The following PRKD1 variants were observed in gnomAD, a reference collection of about 807,000 sequenced individuals.
The protein encoded by PRKD1 is protein kinase D1.
In PRKD1, 63 loss-of-function variants were observed where a neutral mutation model predicts 95.9. The observed-to-expected ratio is 0.66, with a 90% CI of 0.54 to 0.81. The LOEUF is 0.81. PRKD1 is among the 30% of genes least tolerant of loss of function. The pLI, the probability that PRKD1 is intolerant of heterozygous loss-of-function variation, is 0.00. For missense variants in PRKD1, 1,048 were observed against 1,165.3 expected (o/e 0.90, Z 1.47); for synonymous variants, 425 against 423.1 (o/e 1.00, Z -0.05).
At chr14:29,817,267 CTT>C (rs1199081438) in intron 1 of PRKD1, among the ~76,000 whole-genome samples, 1 of 152,128 alleles carries the variant, frequency 6.6e-6, no homozygotes, top group African/African-American at 2.4e-5. Context: ...TATATGTAAC[CTT>C]TTAATAATGC....
At chr14:29,858,723 T>C (rs186084111) in intron 1 of PRKD1, among the ~76,000 whole-genome samples, 2 of 152,334 alleles carry the variant, frequency 1.3e-5, no homozygotes, top group African/African-American at 4.8e-5. Context: ...CTGCTCTTTT[T>C]TAAGTACCTT....
intron 1 of PRKD1, among the ~76,000 whole-genome samples, chr14:29,861,405 T>A (rs1240779409): frequency 6.6e-6 from 1 of 152,146 alleles, no homozygotes; most frequent in Non-Finnish European, 1.5e-5. Context: ...GTATTTATAA[T>A]TTTTTTATAT....
rs565916845 is a variant in PRKD1 at position 29,788,599 on chromosome 14, ATTC to A, written c.265-62928_265-62926del. Among the ~76,000 whole-genome samples, 383 of 152,144 alleles carry A rather than the reference ATTC, an allele frequency of 2.5e-3. 2 individuals are homozygous for A. The highest frequency in any genetic ancestry group is 8.7e-3 in the African/African-American group (361 of 41,512). On this transcript the variant is annotated intron_variant, in intron 1 of 17. Coordinates refer to ENST00000331968, the MANE Select transcript of PRKD1 (RefSeq NM_002742.3). ...CCAATATATTATGTAGGCTTTCTTT[ATTC>A]TTCTTTTTTCTTTTCTTAATTGTGG...
chr14:29,625,188 G>A (rs1009550217), intron 12 of PRKD1, among the ~76,000 whole-genome samples: 18 of 151,978 alleles, frequency 1.2e-4, no homozygotes. Flanking sequence ...TTGTGTTCAT[G>A]TTCTCTACTT....
intron 1 of PRKD1, among the ~76,000 whole-genome samples, chr14:29,753,071 G>C (rs1887550385): frequency 6.6e-6 from 1 of 151,720 alleles, no homozygotes; most frequent in Non-Finnish European, 1.5e-5. Context: ...AGATAGAAAG[G>C]GGGAAAATGC....
intron 4 of PRKD1, among the ~76,000 whole-genome samples, chr14:29,647,789 T>A (rs533527271): frequency 6.6e-6 from 1 of 152,068 alleles, no homozygotes; most frequent in African/African-American, 2.4e-5. Flanking sequence ...CAAATAGGGG[T>A]GCAGGAGAGT....
At chr14:29,587,686 A>G (rs1892985671) in intron 16 of PRKD1, among the ~76,000 whole-genome samples, 1 of 152,210 alleles carries the variant, frequency 6.6e-6, no homozygotes, top group Non-Finnish European at 1.5e-5. Flanking sequence ...CTTTGCAGAT[A>G]CTACCTTATT....
chr14:29,818,694 T>C (rs1343866527), intron 1 of PRKD1, among the ~76,000 whole-genome samples: 1 of 151,922 alleles, frequency 6.6e-6, no homozygotes, highest in East Asian at 1.9e-4. Flanking sequence ...GGAAAGTCAC[T>C]AATAGTTATT....
chr14:29,885,052 G>A (rs1468262659), intron 1 of PRKD1, among the ~76,000 whole-genome samples: 1 of 151,574 alleles, frequency 6.6e-6, no homozygotes, highest in Non-Finnish European at 1.5e-5. Context: ...GAACCCGGGA[G>A]GCGGAGCTTG....
chr14:29,700,977 C>CGT (rs1884805085), intron 2 of PRKD1, among the ~76,000 whole-genome samples: 1 of 50,234 alleles, frequency 2.0e-5, no homozygotes, highest in Admixed American at 2.3e-4. Context: ...CGTGCGCATG[C>CGT]GCGCGCGCGC....
chr14:29,805,510 C>A (rs1039674740), intron 1 of PRKD1, among the ~76,000 whole-genome samples: 1 of 152,198 alleles, frequency 6.6e-6, no homozygotes, highest in Non-Finnish European at 1.5e-5. Context: ...TACAACTGAG[C>A]TAAATGAAAT....
intron 1 of PRKD1, among the ~76,000 whole-genome samples, chr14:29,894,696 A>G (rs921023769): frequency 2.0e-5 from 3 of 152,186 alleles, no homozygotes; most frequent in African/African-American, 7.2e-5. Context: ...TGAAAACACA[A>G]TGGACAAAAC....
chr14:29,605,497 G>A (rs1893673245), intron 13 of PRKD1, among the ~76,000 whole-genome samples: 1 of 152,138 alleles, frequency 6.6e-6, no homozygotes, highest in Non-Finnish European at 1.5e-5. Context: ...TTTATCGGGT[G>A]TGAATATTCA....
At chr14:29,913,906 CT>C (rs1221408923) in intron 1 of PRKD1, among the ~76,000 whole-genome samples, 7 of 152,136 alleles carry the variant, frequency 4.6e-5, no homozygotes, top group Non-Finnish European at 1.0e-4. Context: ...TGTCTGCTGC[CT>C]TTTCATTAGC....
At chr14:29,645,135 A>G (rs1455824130) in intron 4 of PRKD1, among the ~76,000 whole-genome samples, 5 of 152,122 alleles carry the variant, frequency 3.3e-5, no homozygotes, top group African/African-American at 9.7e-5. Context: ...TAATATAGAA[A>G]ACAGTAAGTA....
Position 29,836,901 on chromosome 14 carries a change from T to A in PRKD1, c.264+90348A>T, listed in dbSNP as rs45624936. ...ACGATTAAGTGTAGCCGGAAAGAAG[T>A]TAAAGAAAGAAATGGCAGGCCACAT... On this transcript the variant is annotated intron_variant, in intron 1 of 17. Transcript: ENST00000331968. Among the ~76,000 whole-genome samples the A allele has an allele frequency of 8.6e-3, 1,305 of 152,202 alleles. 8 individuals are homozygous for A. Among genetic ancestry groups the A allele is most frequent in the Middle Eastern group, 0.044 (13 of 294 alleles).
chr14:29,841,836 ACT>A (rs1452465846), intron 1 of PRKD1, among the ~76,000 whole-genome samples: 3 of 151,714 alleles, frequency 2.0e-5, no homozygotes, highest in Non-Finnish European at 4.4e-5. Flanking sequence ...AAACTTTTTG[ACT>A]CTGTAATAAC....
At chr14:29,602,427 CTTTT>C (rs11331211) in intron 13 of PRKD1, among the ~76,000 whole-genome samples, 7 of 131,418 alleles carry the variant, frequency 5.3e-5, no homozygotes, top group African/African-American at 2.0e-4. Flanking sequence ...CTGTATTCCT[CTTTT>C]TTTTTTTTTT....
intron 1 of PRKD1, among the ~76,000 whole-genome samples, chr14:29,794,907 C>A (rs1415899580): frequency 6.6e-6 from 1 of 152,044 alleles, no homozygotes; most frequent in Non-Finnish European, 1.5e-5. Context: ...TCATAAACAT[C>A]CCTACAGACT....
Sources: gnomAD v4.1 joint callset for allele counts (sites outside exome capture counted in the v4.1 genomes callset) on GRCh38, gnomAD v4.1.1 for gene constraint, MANE v1.5 for transcripts, NCBI Gene and HGNC (gene_info 2026-07-23, HGNC 2026-07-21) for gene names.